Variants in KCTD7 observed in about 807,000 individuals in gnomAD.
KCTD7 encodes the protein potassium channel tetramerization domain containing 7.
Under a neutral mutation model 27.0 loss-of-function variants are expected in KCTD7, and 15 were observed. That is an observed-to-expected ratio of 0.56 (90% CI 0.37 to 0.86). The LOEUF is 0.86. Ranked by LOEUF, KCTD7 falls within the 40% of genes least tolerant of loss-of-function variation. The pLI is 0.00. For synonymous variants in KCTD7, 159 were observed against 162.7 expected (o/e 0.98, Z 0.17); for missense variants, 299 against 398.9 (o/e 0.75, Z 2.13).
At chr7:66,634,803 C>T (rs62469067) in intron 2 of KCTD7, among the ~76,000 whole-genome samples, 5,976 of 151,864 alleles carry the variant, frequency 0.039, 169 homozygotes, top group East Asian at 0.088. Context: ...AAAAAAAACC[C>T]TCTGTTGTTC....
At chr7:66,635,014 T>G (rs1402230510) in intron 2 of KCTD7, among the ~76,000 whole-genome samples, 1 of 133,370 alleles carries the variant, frequency 7.5e-6, no homozygotes, top group African/African-American at 2.6e-5. Flanking sequence ...AGACTGTCTT[T>G]TTTTTTTTTT....
Position 66,633,346 on chromosome 7 carries a change from C to T in KCTD7, c.216C>T (p.Tyr72=), listed in dbSNP as rs745910052. Reference sequence around the variant, plus strand: ...CACGCCTGTCCACACTGCGGTGCTACGAAGACACCATGTTGGCAGCCATGT... The same window carrying T: ...CACGCCTGTCCACACTGCGGTGCTATGAAGACACCATGTTGGCAGCCATGT... ...FTTRLSTLRC[Y]EDTMLAAMFS... is the part of the protein sequence containing the mutation. Residue 72 remains tyrosine, a synonymous_variant, in exon 2 of 4, where the codon TAC becomes TAT. Coordinates refer to ENST00000639828, the MANE Select transcript of KCTD7 (RefSeq NM_153033.5). 52 of 1,613,816 alleles carry T rather than the reference C, an allele frequency of 3.2e-5. 1 individual carries two copies. In the South Asian group the frequency reaches 4.9e-4, roughly 15 times the overall value.
At chr7:66,630,734 G>C (rs1226529603) in intron 1 of KCTD7, among the ~76,000 whole-genome samples, 3 of 152,202 alleles carry the variant, frequency 2.0e-5, no homozygotes, top group Admixed American at 1.3e-4. Flanking sequence ...TTTGTGCACT[G>C]TCATTGGGAA....
Position 66,639,669 on chromosome 7 carries a change from A to G in KCTD7, c.*437A>G. ...TTGTGCTCAGTATATTGGTGTGAAC[A>G]CGGAACATGATGGGGGATTTACCTG... On this transcript the variant is annotated 3_prime_UTR_variant, in exon 4 of 4. Coordinates refer to ENST00000639828, the MANE Select transcript of KCTD7 (RefSeq NM_153033.5). 7.8e-7 allele frequency: 1 copy of G among 1,277,586 alleles called. No individual in the cohort carries two copies. Among genetic ancestry groups the G allele is most frequent in the Non-Finnish European group, 9.9e-7 (1 of 1,013,024 alleles). 79.1% of individuals were successfully genotyped at this position (1,277,586 alleles called of 1,614,324 possible).
Position 66,642,180 on chromosome 7 carries a change from C to G in KCTD7, c.*2948C>G, listed in dbSNP as rs889859441. 1 of 985,416 alleles carries G rather than the reference C, an allele frequency of 1.0e-6. No homozygotes were observed. 61.0% of individuals were successfully genotyped at this position (985,416 alleles called of 1,614,324 possible). A position where few individuals can be genotyped will look rare whatever the true frequency, so the allele number is the denominator to read the frequency against. On this transcript the variant is annotated 3_prime_UTR_variant, in exon 4 of 4. Transcript: ENST00000639828. Reference sequence around the variant, plus strand: ...AAAAAAAGACTGAAGCAAAACCACACTGAAATGCATCCCACTCCAGGAGAG... The same window carrying G: ...AAAAAAAGACTGAAGCAAAACCACAGTGAAATGCATCCCACTCCAGGAGAG...
chr7:66,642,349 G>A lies in KCTD7; in HGVS notation c.*3117G>A, dbSNP rs1786739409. ...TGGAAGTTTCTGTTCTTCTTTCCTG[G>A]GGCTTAGGATATTCTGGGAGCTGTC... On this transcript the variant is annotated 3_prime_UTR_variant, in exon 4 of 4. Coordinates refer to ENST00000639828, the MANE Select transcript of KCTD7 (RefSeq NM_153033.5). The A allele has an allele frequency of 1.0e-6, 1 of 985,306 alleles. No individual in the cohort carries two copies. The highest frequency in any genetic ancestry group is 4.7e-5 in the South Asian group (1 of 21,288). The allele number at this position is 985,306 out of a possible 1,614,324, so 61.0% of individuals were successfully genotyped here.
At chr7:66,633,223 C>G in intron 1 of KCTD7, 52 bp from the exon 2 acceptor site, 1 of 1,590,782 alleles carries the variant, frequency 6.3e-7, no homozygotes, top group Admixed American at 1.7e-5. Context: ...TGGAGCAGCC[C>G]CAGCTCTCAT....
At chr7:66,637,886 A>C (rs1786623592) in intron 2 of KCTD7, among the ~76,000 whole-genome samples, 1 of 152,166 alleles carries the variant, frequency 6.6e-6, no homozygotes, top group Admixed American at 6.5e-5. Flanking sequence ...TCAATTCTAA[A>C]ACTATATATA....
Position 66,643,018 on chromosome 7 carries a change from C to T in KCTD7, c.*3786C>T. ...CTTTGGTGTATTGAGCCTCAGTACACTCCAAGGGCATTAAAGTCAAGAACT... is the reference window on the plus strand; with the variant it reads ...CTTTGGTGTATTGAGCCTCAGTACATTCCAAGGGCATTAAAGTCAAGAACT... On this transcript the variant is annotated 3_prime_UTR_variant, in exon 4 of 4. Coordinates refer to ENST00000639828, the MANE Select transcript of KCTD7 (RefSeq NM_153033.5). 1 of 985,442 alleles carries T rather than the reference C, an allele frequency of 1.0e-6. No homozygotes were observed. The highest frequency in any genetic ancestry group is 1.2e-6 in the Non-Finnish European group (1 of 829,950). 61.0% of individuals were successfully genotyped at this position (985,442 alleles called of 1,614,324 possible). A position where few individuals can be genotyped will look rare whatever the true frequency, so the allele number is the denominator to read the frequency against.
rs754958440 is a variant in KCTD7, at chr7:66,638,340, C to T, written c.402C>T (p.Ile134=). 22 of 1,614,214 alleles carry T rather than the reference C, an allele frequency of 1.4e-5. No homozygotes were observed. The highest frequency in any genetic ancestry group is 4.4e-5 in the South Asian group (4 of 91,082). The change falls in exon 3 of 4, where the codon ATC becomes ATT. Residue 134 remains isoleucine (I), a synonymous_variant. Transcript: ENST00000639828. The stretch of plus-strand genomic sequence containing the variant: ...ACAAAGAGGCCCAGTACTATGCCAT[C>T]GGGCCCCTCCTGGAGCAGCTGGAGA... ...AVYKEAQYYA[I]GPLLEQLENM...
rs1202570289 is a variant in KCTD7 at position 66,629,245 on chromosome 7, GGGGCGCGGGGGAGAAGC to G, written c.144+48_144+64del. The G allele has an allele frequency of 1.2e-5, 15 of 1,284,250 alleles. No homozygotes were observed. The South Asian group carries it at 2.1e-4, about 18-fold the overall frequency. 79.6% of individuals were successfully genotyped at this position (1,284,250 alleles called of 1,614,324 possible). A position where few individuals can be genotyped will look rare whatever the true frequency, so the allele number is the denominator to read the frequency against. On this transcript the variant is annotated intron_variant, in intron 1 of 3. Coordinates refer to ENST00000639828, the MANE Select transcript of KCTD7 (RefSeq NM_153033.5). ...GGCGGCGGGCCGCGGGGCGTGGGGA[GGGGCGCGGGGGAGAAGC>G]GGGCGCGGGGCATAGCGGTCCTCGG...
intron 1 of KCTD7, among the ~76,000 whole-genome samples, chr7:66,632,035 G>A (rs533911244): frequency 1.7e-4 from 26 of 152,270 alleles, no homozygotes; most frequent in African/African-American, 6.0e-4. Context: ...TATGACACAC[G>A]GTGAAGGCAC....
At chr7:66,636,478 G>T (rs1162659938) in intron 2 of KCTD7, among the ~76,000 whole-genome samples, 8 of 151,786 alleles carry the variant, frequency 5.3e-5, no homozygotes, top group African/African-American at 1.9e-4. Context: ...ATAGTGGCTG[G>T]CATGGAGTAA....
chr7:66,633,676 A>G lies in KCTD7; in HGVS notation c.314+232A>G, dbSNP rs149777064. 2.1e-3 allele frequency among the ~76,000 whole-genome samples: 322 copies of G among 152,072 alleles called. 1 individual carries two copies. The highest frequency in any genetic ancestry group is 7.5e-3 in the African/African-American group (310 of 41,470). ...ACACTGGCTGGATGAAATTGCTTCAATCATAGACAATTAAACAATTTTTAT... is the reference window on the plus strand; with the variant it reads ...ACACTGGCTGGATGAAATTGCTTCAGTCATAGACAATTAAACAATTTTTAT... On this transcript the variant is annotated intron_variant, in intron 2 of 3. Transcript: ENST00000639828.
chr7:66,642,441 T>A lies in KCTD7; in HGVS notation c.*3209T>A, dbSNP rs1250733766. ...TGTTCTGGGCTGCTTGCTGGAGGAA[T>A]AGGAAGTGACATTTATAAGACACAG... On this transcript the variant is annotated 3_prime_UTR_variant, in exon 4 of 4. Coordinates refer to ENST00000639828, the MANE Select transcript of KCTD7 (RefSeq NM_153033.5). 1 of 985,292 alleles carries A rather than the reference T, an allele frequency of 1.0e-6. No homozygotes were observed. The highest frequency in any genetic ancestry group is 1.7e-5 in the African/African-American group (1 of 57,222). The allele number at this position is 985,292 out of a possible 1,614,324, so 61.0% of individuals were successfully genotyped here. A position where few individuals can be genotyped will look rare whatever the true frequency, so the allele number is the denominator to read the frequency against.
At chr7:66,637,010 C>G (rs1181172367) in intron 2 of KCTD7, among the ~76,000 whole-genome samples, 3 of 152,192 alleles carry the variant, frequency 2.0e-5, no homozygotes, top group Non-Finnish European at 4.4e-5. Flanking sequence ...TTGTTAACCA[C>G]GTGCTTACCC....
In KCTD7 at chr7:66,638,398, C is replaced by G; in HGVS notation, c.460C>G (p.Gln154Glu). ...GCCACTGAAGGGCGAGAAGGTGCGC[C>G]AAGCGTTTCTGGGACTCATGCCCTA... ...MQPLKGEKVR[Q>E]AFLGLMPYYK... Residue 154 changes from glutamine (Q) to glutamate (E), a missense_variant, in exon 3 of 4, where the codon CAA becomes GAA. Coordinates refer to ENST00000639828, the MANE Select transcript of KCTD7 (RefSeq NM_153033.5). 6.2e-7 allele frequency: 1 copy of G among 1,614,238 alleles called. No individual in the cohort carries two copies. The highest frequency in any genetic ancestry group is 8.5e-7 in the Non-Finnish European group (1 of 1,180,048).
At chr7:66,636,013 G>A (rs1400479025) in intron 2 of KCTD7, among the ~76,000 whole-genome samples, 12 of 152,296 alleles carry the variant, frequency 7.9e-5, no homozygotes, top group Admixed American at 5.9e-4. Flanking sequence ...GAGTGACAGC[G>A]CCAGGCAAGG....
Position 66,642,310 on chromosome 7 carries a change from A to T in KCTD7, c.*3078A>T, listed in dbSNP as rs1034118225. On this transcript the variant is annotated 3_prime_UTR_variant, in exon 4 of 4. Coordinates refer to ENST00000639828, the MANE Select transcript of KCTD7 (RefSeq NM_153033.5). ...GCCCAGTGCTTACCATGCAGAAAGCAGTCAGCTGTACTCTGGAAGTTTCTG... is the reference window on the plus strand; with the variant it reads ...GCCCAGTGCTTACCATGCAGAAAGCTGTCAGCTGTACTCTGGAAGTTTCTG... The T allele has an allele frequency of 8.1e-6, 8 of 985,356 alleles. No individual in the cohort carries two copies. The highest frequency in any genetic ancestry group is 7.2e-6 in the Non-Finnish European group (6 of 829,962). 61.0% of individuals were successfully genotyped at this position (985,356 alleles called of 1,614,324 possible).
Sources: allele counts gnomAD v4.1 joint callset (sites outside exome capture counted in the v4.1 genomes callset), GRCh38; gene constraint gnomAD v4.1.1; transcripts MANE v1.5; gene names NCBI Gene and HGNC (gene_info 2026-07-23, HGNC 2026-07-21).